Variants in CSMD2 observed in about 807,000 individuals in gnomAD.
CSMD2 encodes the protein CUB and Sushi multiple domains 2.
CSMD2 carries 130 observed loss-of-function variants against 398.5 expected under a neutral mutation model. That is an observed-to-expected ratio of 0.33 (90% CI 0.28 to 0.38). The LOEUF is 0.38. Ranked by LOEUF, CSMD2 falls within the 10% of genes least tolerant of loss-of-function variation. The pLI is 1.00. For missense variants in CSMD2, 3,829 were observed against 4,764.9 expected (o/e 0.80, Z 5.78); for synonymous variants, 1,828 against 1,908.5 (o/e 0.96, Z 1.10).
chr1:33,572,744 G>T (rs1284641148), intron 49 of CSMD2, 53 bp from the exon 50 acceptor site: 18 of 1,439,988 alleles, frequency 1.3e-5, no homozygotes, highest in Admixed American at 1.2e-4. Flanking sequence ...GGTATTCTGA[G>T]AAACTATTTT....
intron 6 of CSMD2, among the ~76,000 whole-genome samples, chr1:33,838,291 C>T (rs149889761): frequency 2.6e-5 from 4 of 152,338 alleles, no homozygotes; most frequent in African/African-American, 7.2e-5. Flanking sequence ...ATCCTTCTTT[C>T]AATGTTCTAA....
intron 5 of CSMD2, among the ~76,000 whole-genome samples, chr1:33,849,936 T>A (rs745686377): frequency 2.6e-4 from 39 of 152,124 alleles, no homozygotes; most frequent in Non-Finnish European, 5.0e-4. Context: ...AAGACCTTAT[T>A]ATAGCCTATA....
intron 14 of CSMD2, among the ~76,000 whole-genome samples, chr1:33,742,907 G>A (rs189836849): frequency 1.3e-5 from 2 of 152,332 alleles, no homozygotes; most frequent in African/African-American, 4.8e-5. Context: ...CTCAGAGAGG[G>A]CATCAGAAAC....
At chr1:33,976,988 G>T (rs1436500887) in intron 3 of CSMD2, among the ~76,000 whole-genome samples, 1 of 151,928 alleles carries the variant, frequency 6.6e-6, no homozygotes, top group Non-Finnish European at 1.5e-5. Flanking sequence ...AGGGGAAACA[G>T]AGGACAGAAA....
chr1:33,681,199 C>T (rs1312763931), intron 25 of CSMD2, among the ~76,000 whole-genome samples: 1 of 152,082 alleles, frequency 6.6e-6, no homozygotes, highest in Non-Finnish European at 1.5e-5. Context: ...GCTGGGATTA[C>T]AGGCATGAGA....
At chr1:33,520,013 C>A in intron 68 of CSMD2, 63 bp from the exon 69 acceptor site, 2 of 1,583,412 alleles carry the variant, frequency 1.3e-6, no homozygotes, top group Non-Finnish European at 1.7e-6. Flanking sequence ...CGTTGGCTAC[C>A]CTCCCCGACT....
rs367827052 is a variant in CSMD2, at chr1:34,032,586, G to C, written c.517+8C>G. 9.6e-4 allele frequency: 1,491 copies of C among 1,555,226 alleles called. 3 individuals are homozygous for C. The highest frequency in any genetic ancestry group is 1.2e-3 in the Non-Finnish European group (1,399 of 1,143,936). On this transcript the variant is annotated splice_region_variant and intron_variant, in intron 3 of 70. Coordinates refer to ENST00000373381, the MANE Select transcript of CSMD2 (RefSeq NM_001281956.2). ...CCGGCTCCTGTGGCCGATGAGGGAGGCACTTACCTTCATAGGTGGCGTGGA... is the reference window on the plus strand; with the variant it reads ...CCGGCTCCTGTGGCCGATGAGGGAGCCACTTACCTTCATAGGTGGCGTGGA...
chr1:33,541,923 C>T (rs1207350069), intron 58 of CSMD2, among the ~76,000 whole-genome samples: 4 of 152,098 alleles, frequency 2.6e-5, no homozygotes, highest in Non-Finnish European at 5.9e-5. Flanking sequence ...CCTCTGTAGG[C>T]CCAACAGCAC....
chr1:34,032,985 C>T (rs930614384), intron 2 of CSMD2, among the ~76,000 whole-genome samples: 1 of 152,140 alleles, frequency 6.6e-6, no homozygotes, highest in African/African-American at 2.4e-5. Flanking sequence ...ATTTCTTTTC[C>T]TGTCTCCTCT....
chr1:33,547,956 T>C (rs1194355062), intron 56 of CSMD2, among the ~76,000 whole-genome samples: 1 of 152,200 alleles, frequency 6.6e-6, no homozygotes, highest in Non-Finnish European at 1.5e-5. Flanking sequence ...TGAGAGGTGA[T>C]TGGATCATGG....
intron 5 of CSMD2, among the ~76,000 whole-genome samples, chr1:33,861,534 C>A (rs1384633269): frequency 6.6e-6 from 1 of 152,190 alleles, no homozygotes; most frequent in Non-Finnish European, 1.5e-5. Context: ...ACTGTCCTTG[C>A]AGGCATGCTT....
chr1:34,079,899 T>G (rs972417848), intron 2 of CSMD2, among the ~76,000 whole-genome samples: 3 of 152,060 alleles, frequency 2.0e-5, no homozygotes, highest in Non-Finnish European at 4.4e-5. Context: ...AGCAAACATA[T>G]CAGTTGTTAC....
At position 33,915,597 on chromosome 1, in the gene CSMD2, C is replaced by T. The variant is rs74069792; in HGVS notation, c.920+2497G>A. ...TGTTTCACTCCAAAAGTTTGGACAA[C>T]GTGTAGACTCACACCTGGAGGGCAG... On this transcript the variant is annotated intron_variant, in intron 5 of 70. Coordinates refer to ENST00000373381, the MANE Select transcript of CSMD2 (RefSeq NM_001281956.2). 2.6e-3 allele frequency among the ~76,000 whole-genome samples: 396 copies of T among 152,258 alleles called. 1 individual carries two copies. Among genetic ancestry groups the T allele is most frequent in the African/African-American group, 9.0e-3 (375 of 41,546 alleles).
At chr1:33,609,101 G>A (rs1336050343) in intron 41 of CSMD2, among the ~76,000 whole-genome samples, 1 of 152,204 alleles carries the variant, frequency 6.6e-6, no homozygotes, top group Non-Finnish European at 1.5e-5. Flanking sequence ...ACCTTCCCTG[G>A]GTGTGGCAGC....
chr1:33,569,233 G>T, intron 52 of CSMD2, 141 bp downstream of exon 52: 1 of 846,848 alleles, frequency 1.2e-6, no homozygotes, highest in Non-Finnish European at 1.7e-6. Flanking sequence ...ATGCCTGATG[G>T]CCAATAGTTG....
chr1:33,936,641 A>G (rs560102349), intron 3 of CSMD2, among the ~76,000 whole-genome samples: 13 of 152,324 alleles, frequency 8.5e-5, no homozygotes, highest in Admixed American at 6.5e-4. Context: ...GGCAGAGGAA[A>G]TGGTCTTGGG....
chr1:34,157,419 CTCTTGTT>C (rs1640904495), intron 1 of CSMD2, among the ~76,000 whole-genome samples: 1 of 152,088 alleles, frequency 6.6e-6, no homozygotes, highest in Non-Finnish European at 1.5e-5. Context: ...ATCTCCCAGT[CTCTTGTT>C]CCAACTCAAC....
chr1:33,953,104 T>C lies in CSMD2; in HGVS notation c.518-17150A>G, dbSNP rs568113068. 2.6e-5 allele frequency among the ~76,000 whole-genome samples: 4 copies of C among 152,314 alleles called. No homozygotes were observed. In the East Asian group the frequency reaches 7.7e-4, roughly 29 times the overall value. ...GACCTCCCTGCAGTTAGGTGGACCA[T>C]GGGCAAAAGTGATACAGGCCATGGC... On this transcript the variant is annotated intron_variant, in intron 3 of 70. Coordinates refer to ENST00000373381, the MANE Select transcript of CSMD2 (RefSeq NM_001281956.2).
At position 34,135,042 on chromosome 1, in the gene CSMD2, A is replaced by G. The variant is rs114768963; in HGVS notation, c.187+29869T>C. On this transcript the variant is annotated intron_variant, in intron 1 of 70. Transcript: ENST00000373381. ...ACCTATTTGATCACAGATTCACTGAATCAGAAACTCCTGGGCCAAGCAATC... is the reference window on the plus strand; with the variant it reads ...ACCTATTTGATCACAGATTCACTGAGTCAGAAACTCCTGGGCCAAGCAATC... Among the ~76,000 whole-genome samples, 1,168 of 152,308 alleles carry G rather than the reference A, an allele frequency of 7.7e-3. 14 individuals are homozygous for G. Among genetic ancestry groups the G allele is most frequent in the South Asian group, 0.047 (226 of 4,820 alleles).
Sources: gnomAD v4.1 joint callset for allele counts (sites outside exome capture counted in the v4.1 genomes callset) on GRCh38, gnomAD v4.1.1 for gene constraint, MANE v1.5 for transcripts, NCBI Gene and HGNC (gene_info 2026-07-23, HGNC 2026-07-21) for gene names.